NTNG1: variants seen among roughly 807,000 people sequenced by gnomAD.
The protein encoded by NTNG1 is netrin-G1.
Under a neutral mutation model 54.0 loss-of-function variants are expected in NTNG1, and 16 were observed. The observed-to-expected ratio is 0.30, with a 90% CI of 0.20 to 0.45. NTNG1 has a LOEUF of 0.45. Among genes scored for constraint, NTNG1 ranks in the 20% least tolerant of loss-of-function variants. The pLI is 1.00. For missense variants in NTNG1, 530 were observed against 678.7 expected (o/e 0.78, Z 2.43); for synonymous variants, 255 against 263.1 (o/e 0.97, Z 0.30).
At chr1:107,377,246 C>G (rs939540600) in intron 3 of NTNG1, among the ~76,000 whole-genome samples, 29 of 152,252 alleles carry the variant, frequency 1.9e-4, no homozygotes, top group Admixed American at 1.5e-3. Context: ...CACATTGAAC[C>G]TCCCAGGAGG....
chr1:107,206,670 G>GA (rs1659219694), intron 2 of NTNG1, among the ~76,000 whole-genome samples: 1 of 152,094 alleles, frequency 6.6e-6, no homozygotes, highest in Admixed American at 6.5e-5. Flanking sequence ...GATTATTCCT[G>GA]AAAAATCAAA....
At chr1:107,343,646 G>A (rs1395365470) in intron 3 of NTNG1, among the ~76,000 whole-genome samples, 1 of 152,048 alleles carries the variant, frequency 6.6e-6, no homozygotes, top group Non-Finnish European at 1.5e-5. Context: ...ATCCCTGAAC[G>A]AATTATACAA....
intron 2 of NTNG1, among the ~76,000 whole-genome samples, chr1:107,250,229 A>C (rs994441647): frequency 1.1e-4 from 17 of 152,348 alleles, no homozygotes; most frequent in African/African-American, 3.6e-4. Flanking sequence ...AGAATGTAGA[A>C]AACTGAAACC....
At chr1:107,436,524 T>C in intron 6 of NTNG1, 141 bp from the exon 7 acceptor site, 2 of 577,834 alleles carry the variant, frequency 3.5e-6, no homozygotes, top group Non-Finnish European at 5.8e-6. Context: ...GGTTGTGAAA[T>C]AGCCATATTT....
At chr1:107,368,010 G>C (rs567942273) in intron 3 of NTNG1, among the ~76,000 whole-genome samples, 1 of 151,948 alleles carries the variant, frequency 6.6e-6, no homozygotes, top group Non-Finnish European at 1.5e-5. Context: ...CGCCTGCCTC[G>C]GCCTCCCAAA....
intron 2 of NTNG1, among the ~76,000 whole-genome samples, chr1:107,310,408 TAACA>T (rs1421265263): frequency 6.6e-6 from 1 of 152,180 alleles, no homozygotes; most frequent in Non-Finnish European, 1.5e-5. Context: ...CTACAACATC[TAACA>T]TAGTGCTTGG....
chr1:107,292,882 A>G (rs1174557155), intron 2 of NTNG1, among the ~76,000 whole-genome samples: 1 of 152,156 alleles, frequency 6.6e-6, no homozygotes, highest in Non-Finnish European at 1.5e-5. Context: ...CCCGTGGCCT[A>G]CTTCCAAGTG....
At chr1:107,249,751 T>A (rs973052538) in intron 2 of NTNG1, among the ~76,000 whole-genome samples, 3 of 152,166 alleles carry the variant, frequency 2.0e-5, no homozygotes, top group Non-Finnish European at 4.4e-5. Context: ...TGACTCAGAG[T>A]TTTACAAATT....
intron 2 of NTNG1, among the ~76,000 whole-genome samples, chr1:107,279,827 G>C (rs574676982): frequency 6.6e-6 from 1 of 152,106 alleles, no homozygotes; most frequent in East Asian, 1.9e-4. Flanking sequence ...GTCTCTCTCT[G>C]TTGCCCAGGC....
intron 7 of NTNG1, among the ~76,000 whole-genome samples, chr1:107,466,991 C>T (rs907869989): frequency 6.6e-6 from 1 of 152,156 alleles, no homozygotes; most frequent in Admixed American, 6.6e-5. Context: ...AGAAAGGATT[C>T]CTCTGGATAT....
intron 3 of NTNG1, among the ~76,000 whole-genome samples, chr1:107,350,496 A>C (rs532671316): frequency 1.3e-5 from 2 of 152,214 alleles, no homozygotes; most frequent in Non-Finnish European, 2.9e-5. Context: ...CTGTGTATAT[A>C]TCAAAAGGAA....
chr1:107,426,489 TTTA>T (rs1674917428), intron 5 of NTNG1, among the ~76,000 whole-genome samples: 1 of 152,082 alleles, frequency 6.6e-6, no homozygotes, highest in Admixed American at 6.6e-5. Context: ...GGTATGTGGC[TTTA>T]TTGTTGGATT....
intron 3 of NTNG1, among the ~76,000 whole-genome samples, chr1:107,367,223 C>T (rs570510469): frequency 6.6e-6 from 1 of 152,094 alleles, no homozygotes; most frequent in Non-Finnish European, 1.5e-5. Flanking sequence ...CCATTTTAAA[C>T]CCATGCCTGC....
chr1:107,295,193 A>C (rs776098983), intron 2 of NTNG1, among the ~76,000 whole-genome samples: 6 of 152,184 alleles, frequency 3.9e-5, no homozygotes, highest in Admixed American at 6.5e-5. Context: ...GGAGCAAATT[A>C]TATCACTTGA....
chr1:107,287,160 G>A (rs1665252431), intron 2 of NTNG1, among the ~76,000 whole-genome samples: 1 of 151,972 alleles, frequency 6.6e-6, no homozygotes, highest in African/African-American at 2.4e-5. Context: ...TAGCTGTGGA[G>A]GCTACAGACC....
intron 2 of NTNG1, among the ~76,000 whole-genome samples, chr1:107,205,550 C>A (rs1436192264): frequency 1.3e-5 from 2 of 152,090 alleles, no homozygotes; most frequent in African/African-American, 4.8e-5. Context: ...AGTGTGAAAT[C>A]ACAATTCCGC....
chr1:107,174,964 TGTAA>T (rs1238333009), intron 2 of NTNG1, among the ~76,000 whole-genome samples: 7 of 152,268 alleles, frequency 4.6e-5, no homozygotes, highest in South Asian at 2.1e-4. Context: ...GTTTTCGTAA[TGTAA>T]GTATTTTATT....
chr1:107,239,024 T>A (rs1466249266), intron 2 of NTNG1, among the ~76,000 whole-genome samples: 1 of 152,206 alleles, frequency 6.6e-6, no homozygotes, highest in Non-Finnish European at 1.5e-5. Context: ...TTTTGAGTGC[T>A]GACTTTATAC....
intron 7 of NTNG1, 36 bp from the exon 8 acceptor site, chr1:107,480,575 C>CCCCCCCCCCCCACAAACCCCCCAATAGA: frequency 2.0e-6 from 1 of 512,238 alleles, no homozygotes; most frequent in Non-Finnish European, 3.8e-6. Flanking sequence ...CTCCTCCCCG[C>CCCCCCCCCCCCACAAACCCCCCAATAGA]GCCCACCCAC....
Sources: allele counts gnomAD v4.1 joint callset (sites outside exome capture counted in the v4.1 genomes callset), GRCh38; gene constraint gnomAD v4.1.1; transcripts MANE v1.5; gene names NCBI Gene and HGNC (gene_info 2026-07-23, HGNC 2026-07-21).